The following MYO16 variants were observed in gnomAD, a reference collection of about 807,000 sequenced individuals.
The protein encoded by MYO16 is myosin XVI.
MYO16 carries 94 observed loss-of-function variants against 205.3 expected under a neutral mutation model. The ratio of observed to expected loss-of-function variants is 0.46; its 90% CI spans 0.39 to 0.54. MYO16 has a LOEUF of 0.54. Ranked by LOEUF, MYO16 falls within the 20% of genes least tolerant of loss-of-function variation. The pLI is 0.00. For synonymous variants in MYO16, 988 were observed against 954.0 expected (o/e 1.04, Z -0.66); for missense variants, 2,315 against 2,387.5 (o/e 0.97, Z 0.63).
At chr13:108,614,701 T>C (rs1879289520) in intron 1 of MYO16, among the ~76,000 whole-genome samples, 2 of 152,050 alleles carry the variant, frequency 1.3e-5, no homozygotes, top group African/African-American at 4.8e-5. Context: ...TTGACAACAG[T>C]GCCAAGACTA....
chr13:109,191,416 GA>G (rs567623395), intron 34 of MYO16, among the ~76,000 whole-genome samples: 27 of 152,152 alleles, frequency 1.8e-4, no homozygotes, highest in Admixed American at 1.3e-3. Flanking sequence ...ACACTAAAAG[GA>G]AAAAATCATA....
intron 4 of MYO16, among the ~76,000 whole-genome samples, chr13:108,777,491 A>G (rs1055285056): frequency 2.6e-5 from 4 of 152,140 alleles, no homozygotes; most frequent in African/African-American, 9.7e-5. Context: ...TTTAGAGAGG[A>G]TGTGGCAGTG....
At chr13:108,547,621 A>G in the MYO16 span, among the ~76,000 whole-genome samples, 4,729 of 152,352 alleles carry the variant, frequency 0.031, 109 homozygotes, top group Non-Finnish European at 0.045. Context: ...TAAGTGCAAC[A>G]TAATGTACTA....
the MYO16 span, among the ~76,000 whole-genome samples, chr13:108,540,050 GTATA>G: frequency 6.6e-6 from 1 of 152,222 alleles, no homozygotes; most frequent in South Asian, 2.1e-4. Context: ...AATGGGAGAA[GTATA>G]TTATCAGCAA....
rs151043459 is a variant in MYO16, at chr13:108,604,172, C to G, written c.-39+7933C>G. On this transcript the variant is annotated intron_variant, in intron 1 of 24. Transcript: ENST00000251041. ...AAACTACCCCCATGATTAATCACCC[C>G]CCATGAGGTCCCTCCCCCAAGAGTG... 2.6e-3 allele frequency among the ~76,000 whole-genome samples: 389 copies of G among 152,212 alleles called. 1 individual carries two copies. The highest frequency in any genetic ancestry group is 8.9e-3 in the African/African-American group (370 of 41,552).
chr13:108,634,265 T>C (rs1227678384), intron 1 of MYO16, among the ~76,000 whole-genome samples: 1 of 152,134 alleles, frequency 6.6e-6, no homozygotes, highest in Non-Finnish European at 1.5e-5. Flanking sequence ...CACCATTAAA[T>C]CTGCAGAGTG....
intron 3 of MYO16, among the ~76,000 whole-genome samples, chr13:108,722,639 G>A (rs1038411417): frequency 6.6e-6 from 1 of 152,144 alleles, no homozygotes; most frequent in Non-Finnish European, 1.5e-5. Flanking sequence ...AGAAGGAGGA[G>A]GTCACATCTT....
At chr13:109,070,372 T>C (rs981935555) in intron 27 of MYO16, among the ~76,000 whole-genome samples, 2 of 152,214 alleles carry the variant, frequency 1.3e-5, no homozygotes, top group African/African-American at 4.8e-5. Context: ...ATTTGTTGAA[T>C]GGACTAACAC....
At position 109,019,739 on chromosome 13, in the gene MYO16, A is replaced by G; in HGVS notation, c.2624A>G (p.Asp875Gly). The G allele has an allele frequency of 6.2e-7, 1 of 1,614,118 alleles. No individual in the cohort carries two copies. The highest frequency in any genetic ancestry group is 1.7e-4 in the Middle Eastern group (1 of 6,060). ...QKPSGFLTLL[D>G]EESQMIWSVE... Reference sequence around the variant, plus strand: ...CCATCTGGATTTCTCACCTTATTGGATGAAGAAAGTCAAATGATTTGGTCA... The same window carrying G: ...CCATCTGGATTTCTCACCTTATTGGGTGAAGAAAGTCAAATGATTTGGTCA... The change falls in exon 23 of 35, where the codon GAT (aspartate) becomes GGT (glycine). Residue 875 changes from aspartate to glycine, a missense_variant. Transcript: ENST00000457511.
At position 109,140,752 on chromosome 13, in the gene MYO16, C is replaced by T; in HGVS notation, c.4540C>T (p.Leu1514=). The change falls in exon 32 of 35, where the codon CTG becomes TTG. Residue 1514 remains leucine (L), a synonymous_variant. Coordinates refer to ENST00000457511, the MANE Select transcript of MYO16 (RefSeq NM_001198950.3). The surrounding 1 kb of genome is among the most constrained non-coding windows in gnomAD (Gnocchi z 8.0). ...FPNLLPHRPP[L]LVFPPTPVTC... ...CAACCTGCTGCCGCACCGGCCGCCC[C>T]TGCTGGTGTTCCCCCCGACCCCCGT... 6 of 1,541,308 alleles carry T rather than the reference C, an allele frequency of 3.9e-6. No homozygotes were observed. The highest frequency in any genetic ancestry group is 2.4e-5 in the South Asian group (2 of 82,892).
intron 1 of MYO16, among the ~76,000 whole-genome samples, chr13:108,644,225 A>T (rs969635343): frequency 1.3e-5 from 2 of 152,130 alleles, no homozygotes; most frequent in African/African-American, 4.8e-5. Context: ...CAGCCCAGGG[A>T]TGCTCCCACA....
chr13:109,023,630 CAAAT>C lies in MYO16; in HGVS notation c.2796+3721_2796+3724del, dbSNP rs1426137004. On this transcript the variant is annotated intron_variant, in intron 23 of 34. Transcript: ENST00000457511. ...ATATTTATATATACAAATATATAGA[CAAAT>C]ATATATACAAATATATGTATATATG... Among the ~76,000 whole-genome samples, 125 of 94,750 alleles carry C rather than the reference CAAAT, an allele frequency of 1.3e-3. 3 individuals carry two copies. The highest frequency in any genetic ancestry group is 4.3e-3 in the African/African-American group (115 of 26,514). 62.2% of individuals were successfully genotyped at this position (94,750 alleles called of 152,430 possible).
rs554548475 is a variant in MYO16 at position 108,709,623 on chromosome 13, T to C, written c.293-3038T>C. ...CCAAAGATGTTCAACATGTATTCGT[T>C]TCATAATTTTCTTCTCAAAATTATT... On this transcript the variant is annotated intron_variant, in intron 2 of 34. Transcript: ENST00000457511. 1.5e-5 allele frequency among the ~76,000 whole-genome samples: 2 copies of C among 135,848 alleles called. 1 individual carries two copies. Among genetic ancestry groups the C allele is most frequent in the Admixed American group, 1.5e-4 (2 of 13,360 alleles). 89.1% of individuals were successfully genotyped at this position (135,848 alleles called of 152,430 possible). A position where few individuals can be genotyped will look rare whatever the true frequency, so the allele number is the denominator to read the frequency against.
chr13:109,167,722 G>T (rs1170175305), intron 33 of MYO16, among the ~76,000 whole-genome samples: 2 of 152,064 alleles, frequency 1.3e-5, no homozygotes, highest in Non-Finnish European at 2.9e-5. Context: ...TAAAGACCGA[G>T]AATTAATTTT....
At chr13:108,545,879 C>T in the MYO16 span, among the ~76,000 whole-genome samples, 1 of 152,150 alleles carries the variant, frequency 6.6e-6, no homozygotes, top group Non-Finnish European at 1.5e-5. Context: ...GACAACCTCT[C>T]CTGTCTTTAG....
intron 27 of MYO16, among the ~76,000 whole-genome samples, chr13:109,074,819 C>T (rs1008429986): frequency 6.6e-6 from 1 of 152,198 alleles, no homozygotes; most frequent in Non-Finnish European, 1.5e-5. Flanking sequence ...GGGGGAACCA[C>T]CCCATGATCC....
chr13:108,927,303 C>T (rs1882053473), intron 16 of MYO16, among the ~76,000 whole-genome samples: 1 of 152,170 alleles, frequency 6.6e-6, no homozygotes, highest in African/African-American at 2.4e-5. Context: ...TTCCTCCACC[C>T]AACAACAAGG....
chr13:108,503,307 G>A, the MYO16 span, among the ~76,000 whole-genome samples: 1 of 152,122 alleles, frequency 6.6e-6, no homozygotes, highest in Non-Finnish European at 1.5e-5. Flanking sequence ...CACAGCGCAG[G>A]CAACAAGAGC....
chr13:108,723,443 C>G (rs1884234386), intron 3 of MYO16, among the ~76,000 whole-genome samples: 1 of 151,878 alleles, frequency 6.6e-6, no homozygotes, highest in Non-Finnish European at 1.5e-5. Flanking sequence ...CTTTTTAGAA[C>G]TTTTGTAACT....
Sources: gnomAD v4.1 joint callset for allele counts (sites outside exome capture counted in the v4.1 genomes callset) on GRCh38, gnomAD v4.1.1 for gene constraint, Gnocchi (gnomAD v3.1) non-coding constraint, MANE v1.5 for transcripts, NCBI Gene and HGNC (gene_info 2026-07-23, HGNC 2026-07-21) for gene names.